The following DMD variants were observed in gnomAD, a reference collection of about 807,000 sequenced individuals.
DMD encodes the protein mutant dystrophin.
A neutral mutation model predicts 330.1 loss-of-function variants in DMD; 63 were observed. That is an observed-to-expected ratio of 0.19 (90% CI 0.16 to 0.24). DMD has a LOEUF of 0.24. DMD is among the 10% of genes least tolerant of loss of function. The pLI is 1.00. For missense variants in DMD, 3,344 were observed against 2,684.1 expected (o/e 1.25, Z -5.43); for synonymous variants, 1,223 against 959.8 (o/e 1.27, Z -5.07).
intron 43 of DMD, among the ~76,000 whole-genome samples, chrX:32,233,723 C>T (rs186794466): frequency 9.2e-6 from 1 of 108,778 alleles, no homozygotes; most frequent in Non-Finnish European, 1.9e-5. Flanking sequence ...ACCTATGCCT[C>T]CAGGGTGGAA....
intron 44 of DMD, among the ~76,000 whole-genome samples, chrX:32,142,096 A>G (rs780445805): frequency 9.0e-6 from 1 of 111,023 alleles, no homozygotes; most frequent in South Asian, 3.9e-4. Flanking sequence ...TGAGCTATAG[A>G]ATAATGTTAG....
At position 32,434,393 on chromosome X, in the gene DMD, G is replaced by A. The variant is rs189264927; in HGVS notation, c.4071+3848C>T. 5.7e-3 allele frequency among the ~76,000 whole-genome samples: 634 copies of A among 111,790 alleles called. 5 individuals are homozygous for A. The South Asian group carries it at 0.071, about 12-fold the overall frequency. On this transcript the variant is annotated intron_variant, in intron 29 of 78. Coordinates refer to ENST00000357033, the MANE Select transcript of DMD (RefSeq NM_004006.3). ...CCATTGCACTCCAGCCTGGGCTTCA[G>A]GGAGAGACTCTGTCTCAAAAAAATA...
intron 7 of DMD, among the ~76,000 whole-genome samples, chrX:32,772,008 A>G (rs777457568): frequency 3.6e-5 from 4 of 112,246 alleles, no homozygotes; most frequent in Non-Finnish European, 5.6e-5. Flanking sequence ...TTCAAGGAGT[A>G]ATAGAAGGAA....
chrX:32,772,837 CAT>C (rs1234055943), intron 7 of DMD, among the ~76,000 whole-genome samples: 2 of 108,981 alleles, frequency 1.8e-5, no homozygotes, highest in Non-Finnish European at 3.8e-5. Flanking sequence ...TGATGGCTAA[CAT>C]AAAATCGTTT....
At chrX:32,420,804 A>G (rs1313922665) in intron 29 of DMD, among the ~76,000 whole-genome samples, 1 of 111,738 alleles carries the variant, frequency 8.9e-6, no homozygotes, top group Non-Finnish European at 1.9e-5. Context: ...TTGCCTATGA[A>G]TAAAATAGTT....
At chrX:31,983,398 A>G (rs979018772) in intron 44 of DMD, among the ~76,000 whole-genome samples, 7 of 111,696 alleles carry the variant, frequency 6.3e-5, no homozygotes, top group Non-Finnish European at 9.4e-5. Flanking sequence ...GGATTGAAGA[A>G]GGGTATAAAT....
In DMD at chrX:32,973,787, C is replaced by G. The variant is rs1470947221; in HGVS notation, c.93+46352G>C. On this transcript the variant is annotated intron_variant, in intron 2 of 78. Transcript: ENST00000357033. ...AGTATCAGGGTGATTTTATACACAG[C>G]AAAAGTAAGTGGGATACCCTGCCAA... Among the ~76,000 whole-genome samples the G allele has an allele frequency of 2.7e-5, 3 of 111,769 alleles. No individual in the cohort carries two copies. In the Admixed American group the frequency reaches 2.9e-4, roughly 11 times the overall value.
At chrX:32,627,048 A>G (rs1195750838) in intron 11 of DMD, among the ~76,000 whole-genome samples, 1 of 104,017 alleles carries the variant, frequency 9.6e-6, no homozygotes, top group African/African-American at 4.1e-5. Flanking sequence ...TTCAATCAGA[A>G]TATCTGGGAA....
intron 1 of DMD, among the ~76,000 whole-genome samples, chrX:33,172,983 A>C (rs1448609752): frequency 9.0e-6 from 1 of 111,537 alleles, no homozygotes; most frequent in Non-Finnish European, 1.9e-5. Flanking sequence ...TAATTGAAAG[A>C]TCTTACTTAA....
intron 60 of DMD, among the ~76,000 whole-genome samples, chrX:31,356,661 T>G: frequency 8.9e-6 from 1 of 112,430 alleles, no homozygotes; most frequent in Non-Finnish European, 1.9e-5. Flanking sequence ...CACCGATTTC[T>G]AAAATGCACT....
chrX:32,124,851 G>C (rs1301528327), intron 44 of DMD, among the ~76,000 whole-genome samples: 1 of 109,918 alleles, frequency 9.1e-6, no homozygotes. Flanking sequence ...CCGGTAAGAC[G>C]GGCAGGAAAA....
intron 41 of DMD, among the ~76,000 whole-genome samples, chrX:32,327,496 A>G (rs914559517): frequency 5.4e-5 from 6 of 111,459 alleles, no homozygotes; most frequent in African/African-American, 2.0e-4. Flanking sequence ...CCAAAATAAT[A>G]TATTTTGCCA....
chrX:32,624,569 C>T (rs1022817585), intron 11 of DMD, among the ~76,000 whole-genome samples: 2 of 111,404 alleles, frequency 1.8e-5, no homozygotes, highest in Non-Finnish European at 3.8e-5. Flanking sequence ...ATATGAATCA[C>T]CTGGAGAGTG....
At chrX:31,407,160 A>T (rs2061429279) in intron 60 of DMD, among the ~76,000 whole-genome samples, 2 of 111,866 alleles carry the variant, frequency 1.8e-5, no homozygotes, top group African/African-American at 6.5e-5. Context: ...ATTTTTTATT[A>T]TTATTTTATT....
intron 44 of DMD, among the ~76,000 whole-genome samples, chrX:31,989,328 G>T (rs1165255870): frequency 2.7e-5 from 3 of 112,307 alleles, no homozygotes; most frequent in Non-Finnish European, 5.6e-5. Context: ...ATTTGTTGAA[G>T]TTAAATTGAT....
chrX:31,343,369 A>G (rs1380035654), intron 61 of DMD, among the ~76,000 whole-genome samples: 1 of 111,401 alleles, frequency 9.0e-6, no homozygotes, highest in African/African-American at 3.3e-5. Flanking sequence ...AGGACAAGTT[A>G]GTGTCTATCA....
At chrX:32,402,058 A>G (rs2098088961) in intron 30 of DMD, among the ~76,000 whole-genome samples, 1 of 112,009 alleles carries the variant, frequency 8.9e-6, no homozygotes, top group Non-Finnish European at 1.9e-5. Context: ...AGCTTCAGTA[A>G]AAATGCTTTA....
chrX:31,580,863 ATCT>A (rs756967560), intron 55 of DMD, among the ~76,000 whole-genome samples: 37 of 111,457 alleles, frequency 3.3e-4, no homozygotes, highest in Non-Finnish European at 6.8e-4. Context: ...TATTGAGGAA[ATCT>A]TCTTCACAGA....
chrX:31,689,524 C>G (rs1421808556), intron 52 of DMD, among the ~76,000 whole-genome samples: 1 of 111,435 alleles, frequency 9.0e-6, no homozygotes. Flanking sequence ...GAATCAATAT[C>G]GTGAAAATGG....
Sources: allele counts gnomAD v4.1 joint callset (sites outside exome capture counted in the v4.1 genomes callset), GRCh38; gene constraint gnomAD v4.1.1; transcripts MANE v1.5; gene names NCBI Gene and HGNC (gene_info 2026-07-23, HGNC 2026-07-21).